XPO4: variants seen among roughly 807,000 people sequenced by gnomAD.
The protein encoded by XPO4 is exportin-4.
In XPO4, 39 loss-of-function variants were observed where a neutral mutation model predicts 143.0. That is an observed-to-expected ratio of 0.27 (90% CI 0.21 to 0.36). The LOEUF is 0.36. XPO4 is among the 10% of genes least tolerant of loss of function. The probability of loss-of-function intolerance (pLI) is 1.00; values close to 1 mark genes in which losing one functional copy is unlikely to be tolerated. For synonymous variants in XPO4, 439 were observed against 474.0 expected (o/e 0.93, Z 0.96); for missense variants, 907 against 1,348.0 (o/e 0.67, Z 5.12).
rs946558194 is a variant in XPO4, at chr13:20,782,201, T to C, written c.*1521A>G. On this transcript the variant is annotated 3_prime_UTR_variant, in exon 23 of 23. Transcript: ENST00000255305. ...ATCACATGTAATGACACATATGCTA[T>C]ATGCAATCAGGTAGAAAAACCGTAT... 5 of 152,264 alleles carry C rather than the reference T, an allele frequency of 3.3e-5. No individual in the cohort carries two copies. Among genetic ancestry groups the C allele is most frequent in the Non-Finnish European group, 7.3e-5 (5 of 68,052 alleles). 9.4% of individuals were successfully genotyped at this position (152,264 alleles called of 1,614,324 possible).
At position 20,856,957 on chromosome 13, in the gene XPO4, C is replaced by T. The variant is rs1474751004; in HGVS notation, c.318-1192G>A. The T allele has an allele frequency of 7.6e-6, 7 of 924,816 alleles. No individual in the cohort carries two copies. The Admixed American group carries it at 3.7e-4, about 49-fold the overall frequency. 57.3% of individuals were successfully genotyped at this position (924,816 alleles called of 1,614,324 possible). On this transcript the variant is annotated intron_variant, in intron 3 of 22. Coordinates refer to ENST00000255305, the MANE Select transcript of XPO4 (RefSeq NM_022459.5). ...TCCCAGATCAGCCACCCACTCTATG[C>T]ACACTAGCATATGCAAAGCACACTA...
At chr13:20,864,785 A>G (rs2060230208) in intron 2 of XPO4, among the ~76,000 whole-genome samples, 1 of 152,124 alleles carries the variant, frequency 6.6e-6, no homozygotes, top group Admixed American at 6.5e-5. Flanking sequence ...AAAGTTTCTT[A>G]ATTCTTTTTC....
At chr13:20,884,416 G>T (rs1282535599) in intron 1 of XPO4, among the ~76,000 whole-genome samples, 2 of 151,838 alleles carry the variant, frequency 1.3e-5, no homozygotes, top group Non-Finnish European at 2.9e-5. Flanking sequence ...GATCCGATCC[G>T]ATCCGATCCA....
At chr13:20,868,808 A>G (rs2060266367) in intron 1 of XPO4, 107 bp from the exon 2 acceptor site, 2 of 881,536 alleles carry the variant, frequency 2.3e-6, no homozygotes, top group Non-Finnish European at 3.5e-6. Flanking sequence ...TTTGGGGGGC[A>G]AGAGGAACAA....
At position 20,777,659 on chromosome 13, in the gene XPO4, T is replaced by G. The variant is rs926965532; in HGVS notation, c.*6063A>C. 6.6e-5 allele frequency: 10 copies of G among 152,190 alleles called. No homozygotes were observed. The highest frequency in any genetic ancestry group is 2.2e-4 in the African/African-American group (9 of 41,436). The allele number at this position is 152,190 out of a possible 1,614,324, so 9.4% of individuals were successfully genotyped here. A position where few individuals can be genotyped will look rare whatever the true frequency, so the allele number is the denominator to read the frequency against. ...TTAAAGGTGTATTTGAAGCCTAAGA[T>G]TAGGCAGAAATGAACATTATCAAAA... is the stretch of plus-strand genomic sequence containing the variant. On this transcript the variant is annotated 3_prime_UTR_variant, in exon 23 of 23. Coordinates refer to ENST00000255305, the MANE Select transcript of XPO4 (RefSeq NM_022459.5).
chr13:20,835,316 C>A (rs17058989), intron 6 of XPO4, among the ~76,000 whole-genome samples: 5,797 of 152,256 alleles, frequency 0.038, 379 homozygotes, highest in African/African-American at 0.13. Flanking sequence ...ACTCTCCTTG[C>A]AATTCTATCA....
At chr13:20,828,313 C>T (rs898579478) in intron 6 of XPO4, among the ~76,000 whole-genome samples, 1 of 152,052 alleles carries the variant, frequency 6.6e-6, no homozygotes, top group Admixed American at 6.6e-5. Context: ...TAAAATACTT[C>T]GACTATGCAA....
chr13:20,811,951 T>C (rs1398212318), intron 9 of XPO4, among the ~76,000 whole-genome samples: 1 of 152,232 alleles, frequency 6.6e-6, no homozygotes, highest in Non-Finnish European at 1.5e-5. Flanking sequence ...GTTTGATACA[T>C]GTCTGAAGTT....
chr13:20,789,319 A>C (rs906053986), intron 19 of XPO4, among the ~76,000 whole-genome samples: 3 of 151,784 alleles, frequency 2.0e-5, no homozygotes, highest in Non-Finnish European at 4.4e-5. Flanking sequence ...ACACGGTTAG[A>C]TCCTGCTATG....
chr13:20,898,351 G>A (rs999124160), intron 1 of XPO4, among the ~76,000 whole-genome samples: 1 of 152,146 alleles, frequency 6.6e-6, no homozygotes, highest in Non-Finnish European at 1.5e-5. Flanking sequence ...GATAACCTGA[G>A]GTCAGGAGTT....
At position 20,783,459 on chromosome 13, in the gene XPO4, G is replaced by A. The variant is rs1268933588; in HGVS notation, c.*263C>T. On this transcript the variant is annotated 3_prime_UTR_variant, in exon 23 of 23. Coordinates refer to ENST00000255305, the MANE Select transcript of XPO4 (RefSeq NM_022459.5). Reference sequence around the variant, plus strand: ...TGCCCATATCTGTTTGCACATATATGGAATTTCATTTTGAAAATTTTAAAT... The same window carrying A: ...TGCCCATATCTGTTTGCACATATATAGAATTTCATTTTGAAAATTTTAAAT... 2 of 497,686 alleles carry A rather than the reference G, an allele frequency of 4.0e-6. No homozygotes were observed. The highest frequency in any genetic ancestry group is 7.2e-6 in the Non-Finnish European group (2 of 277,530). 30.8% of individuals were successfully genotyped at this position (497,686 alleles called of 1,614,324 possible). A position where few individuals can be genotyped will look rare whatever the true frequency, so the allele number is the denominator to read the frequency against.
At chr13:20,813,334 C>G (rs1012911144) in intron 9 of XPO4, among the ~76,000 whole-genome samples, 1 of 152,120 alleles carries the variant, frequency 6.6e-6, no homozygotes, top group Non-Finnish European at 1.5e-5. Flanking sequence ...TATAGACTTT[C>G]TACAAATCAG....
rs960984120 is a variant in XPO4 at position 20,851,044 on chromosome 13, TATCA to T, written c.456+4579_456+4582del. On this transcript the variant is annotated intron_variant, in intron 4 of 22. Coordinates refer to ENST00000255305, the MANE Select transcript of XPO4 (RefSeq NM_022459.5). Reference sequence around the variant, plus strand: ...ATACTAAATCAATGTTCTGATCAGTTATCATTCTCCTTTCTTACAGAGGTTTTAA... The same window carrying T: ...ATACTAAATCAATGTTCTGATCAGTTTTCTCCTTTCTTACAGAGGTTTTAA... 42 of 985,386 alleles carry T rather than the reference TATCA, an allele frequency of 4.3e-5. No homozygotes were observed. In the African/African-American group the frequency reaches 7.3e-4, roughly 17 times the overall value. 61.0% of individuals were successfully genotyped at this position (985,386 alleles called of 1,614,324 possible).
intron 3 of XPO4, among the ~76,000 whole-genome samples, chr13:20,861,456 C>T (rs760807058): frequency 3.3e-5 from 5 of 151,788 alleles, no homozygotes; most frequent in South Asian, 2.1e-4. Flanking sequence ...CTACCACGCC[C>T]GACTAATTTT....
At chr13:20,807,660 G>A in intron 12 of XPO4, 26 bp from the exon 13 acceptor site, 1 of 1,529,886 alleles carries the variant, frequency 6.5e-7, no homozygotes, top group Non-Finnish European at 8.7e-7. Flanking sequence ...AATTAAAAAT[G>A]AACACTTAAC....
rs1352653268 is a variant in XPO4, at chr13:20,849,629, A to G, written c.457-5743T>C. The G allele has an allele frequency of 8.1e-6, 8 of 985,244 alleles. No individual in the cohort carries two copies. The Admixed American group carries it at 4.9e-4, about 60-fold the overall frequency. 61.0% of individuals were successfully genotyped at this position (985,244 alleles called of 1,614,324 possible). On this transcript the variant is annotated intron_variant, in intron 4 of 22. Transcript: ENST00000255305. ...TGGAAGGAAAACATCATAACTGCCC[A>G]CAAGCTTGAAATAACATTATTTAAT...
chr13:20,796,677 C>A, intron 17 of XPO4, 87 bp downstream of exon 17: 1 of 1,038,762 alleles, frequency 9.6e-7, no homozygotes, highest in Non-Finnish European at 1.3e-6. Flanking sequence ...TAAGATAATA[C>A]TAATCAAATT....
intron 1 of XPO4, among the ~76,000 whole-genome samples, chr13:20,895,945 A>G (rs1410665011): frequency 2.6e-5 from 4 of 152,234 alleles, no homozygotes; most frequent in Non-Finnish European, 5.9e-5. Context: ...AGTACACTAC[A>G]GTAAACATTC....
chr13:20,856,326 CACAA>C, intron 3 of XPO4: 1 of 985,280 alleles, frequency 1.0e-6, no homozygotes, highest in South Asian at 4.7e-5. Flanking sequence ...AACACACACA[CACAA>C]ACATTCAAAA....
Sources: allele counts gnomAD v4.1 joint callset (sites outside exome capture counted in the v4.1 genomes callset), GRCh38; gene constraint gnomAD v4.1.1; transcripts MANE v1.5; gene names NCBI Gene and HGNC (gene_info 2026-07-23, HGNC 2026-07-21).